The following GNG4 variants were observed in gnomAD, a reference collection of about 807,000 sequenced individuals.
GNG4 encodes G protein subunit gamma 4, also known as guanine nucleotide-binding protein G(I)/G(S)/G(O) subunit gamma-4.
In GNG4, 4 loss-of-function variants were observed where a neutral mutation model predicts 5.8. The ratio of observed to expected loss-of-function variants is 0.69; its 90% CI spans 0.34 to 1.57. The LOEUF is 1.57. GNG4 is among the 40% of genes most tolerant of loss of function. The probability of loss-of-function intolerance (pLI) is 0.06; values close to 1 mark genes in which losing one functional copy is unlikely to be tolerated. For synonymous variants in GNG4, 29 were observed against 32.9 expected (o/e 0.88, Z 0.41); for missense variants, 96 against 95.1 (o/e 1.01, Z -0.04).
chr1:235,597,586 T>A (rs1688152518), intron 1 of GNG4, among the ~76,000 whole-genome samples: 1 of 83,120 alleles, frequency 1.2e-5, no homozygotes, highest in Non-Finnish European at 2.6e-5. Flanking sequence ...TTAACTTGTT[T>A]GCTGTGTGTG....
intron 2 of GNG4, among the ~76,000 whole-genome samples, chr1:235,595,049 G>A (rs2102956041): frequency 6.6e-6 from 1 of 152,218 alleles, no homozygotes; most frequent in South Asian, 2.1e-4. Context: ...GAAGCTCACT[G>A]CAATAGCATC....
chr1:235,593,980 G>GC (rs1225711700), intron 2 of GNG4, among the ~76,000 whole-genome samples: 7 of 152,186 alleles, frequency 4.6e-5, no homozygotes, highest in Non-Finnish European at 7.3e-5. Flanking sequence ...CTCTAATCTG[G>GC]CCCCACCTAC....
At chr1:235,587,973 G>A (rs902747117) in intron 2 of GNG4, among the ~76,000 whole-genome samples, 1 of 151,642 alleles carries the variant, frequency 6.6e-6, no homozygotes, top group African/African-American at 2.4e-5. Flanking sequence ...ATGTGGCGGG[G>A]AGGGAACAGC....
At chr1:235,609,071 G>A (rs974614900) in intron 1 of GNG4, among the ~76,000 whole-genome samples, 1 of 152,038 alleles carries the variant, frequency 6.6e-6, no homozygotes, top group Non-Finnish European at 1.5e-5. Flanking sequence ...GGCTCCAAGC[G>A]ATCTTCTTAC....
At chr1:235,560,754 A>G (rs1022675787) in intron 3 of GNG4, among the ~76,000 whole-genome samples, 4 of 152,208 alleles carry the variant, frequency 2.6e-5, no homozygotes, top group African/African-American at 7.2e-5. Context: ...TTCTTCTTCT[A>G]CTACTCATGT....
intron 3 of GNG4, among the ~76,000 whole-genome samples, chr1:235,580,743 TTTG>T (rs1386154938): frequency 0.023 from 3,169 of 136,596 alleles, 245 homozygotes; most frequent in African/African-American, 0.092. Context: ...TATCCCGTTT[TTTG>T]TTTTTTTTTT....
intron 3 of GNG4, among the ~76,000 whole-genome samples, chr1:235,572,182 T>TAA (rs1687360325): frequency 1.5e-5 from 1 of 65,998 alleles, no homozygotes; most frequent in Non-Finnish European, 2.5e-5. Context: ...TCTAAACAGC[T>TAA]AAACAGAAAA....
chr1:235,613,366 C>T (rs1013202008), intron 1 of GNG4, among the ~76,000 whole-genome samples: 1 of 152,186 alleles, frequency 6.6e-6, no homozygotes, highest in Non-Finnish European at 1.5e-5. Context: ...TCCTACTCCC[C>T]AGAACCTGTG....
rs985572373 is a variant in GNG4 at position 235,649,280 on chromosome 1, G to C, written c.-123+382C>G. 6.6e-6 allele frequency among the ~76,000 whole-genome samples: 1 copy of C among 152,176 alleles called. No individual in the cohort carries two copies. The highest frequency in any genetic ancestry group is 2.1e-4 in the South Asian group (1 of 4,834). Reference sequence around the variant, plus strand: ...TCCTGCCACTGAGGTCCTTTTCCACGGGGGACGTCCCCGCTGGGAAAACAG... The same window carrying C: ...TCCTGCCACTGAGGTCCTTTTCCACCGGGGACGTCCCCGCTGGGAAAACAG... On this transcript the variant is annotated intron_variant, in intron 1 of 3. Transcript: ENST00000391854. This position sits in a 1 kb window ranked among gnomAD's most constrained non-coding sequence, Gnocchi z 5.7.
At position 235,549,752 on chromosome 1, in the gene GNG4, C is replaced by A. The variant is rs1419234090; in HGVS notation, c.*2357G>T. The A allele has an allele frequency of 6.6e-6, 1 of 152,192 alleles. No individual in the cohort carries two copies. Among genetic ancestry groups the A allele is most frequent in the Non-Finnish European group, 1.5e-5 (1 of 68,026 alleles). 9.4% of individuals were successfully genotyped at this position (152,192 alleles called of 1,614,324 possible). On this transcript the variant is annotated 3_prime_UTR_variant, in exon 4 of 4. Transcript: ENST00000391854. ...GTCCTAAATCCATTTACGAGGGCAGCAAGTCATTAATTGGTCTGGAAATTA... is the reference window on the plus strand; with the variant it reads ...GTCCTAAATCCATTTACGAGGGCAGAAAGTCATTAATTGGTCTGGAAATTA...
chr1:235,640,495 C>CAT (rs1657289765), intron 1 of GNG4, among the ~76,000 whole-genome samples: 1 of 152,228 alleles, frequency 6.6e-6, no homozygotes, highest in Admixed American at 6.5e-5. Flanking sequence ...GCTTTATACA[C>CAT]AGACTGTGCT....
chr1:235,634,525 TG>T (rs1317890908), intron 1 of GNG4, among the ~76,000 whole-genome samples: 1 of 152,210 alleles, frequency 6.6e-6, no homozygotes, highest in Non-Finnish European at 1.5e-5. Context: ...TTTGCGCAGA[TG>T]GGCTATGTGT....
chr1:235,587,293 G>GGTGA (rs150447508), intron 2 of GNG4, among the ~76,000 whole-genome samples: 24,965 of 85,024 alleles, frequency 0.29, 4,285 homozygotes, highest in East Asian at 0.69. Flanking sequence ...TGTGGGTTGG[G>GGTGA]GTGTGTGTGA....
chr1:235,628,615 T>C (rs1396048935), intron 1 of GNG4, among the ~76,000 whole-genome samples: 3 of 152,122 alleles, frequency 2.0e-5, no homozygotes, highest in African/African-American at 7.2e-5. Context: ...CCTGTGTAAG[T>C]TCTGGGGAAA....
chr1:235,554,615 G>A (rs563724967), intron 3 of GNG4, among the ~76,000 whole-genome samples: 55 of 152,208 alleles, frequency 3.6e-4, no homozygotes, highest in African/African-American at 1.1e-3. Flanking sequence ...AGGCCAAGGC[G>A]GGTGGATCGC....
intron 1 of GNG4, among the ~76,000 whole-genome samples, chr1:235,597,179 T>C (rs2102957887): frequency 6.6e-6 from 1 of 152,378 alleles, no homozygotes; most frequent in African/African-American, 2.4e-5. Flanking sequence ...CCAAGGGTTT[T>C]CCGAATGCTC....
chr1:235,587,056 A>G (rs952874154), intron 2 of GNG4, among the ~76,000 whole-genome samples: 2 of 151,672 alleles, frequency 1.3e-5, no homozygotes, highest in African/African-American at 4.8e-5. Flanking sequence ...GCAGGGGTGA[A>G]GCCAAGAGGA....
chr1:235,641,560 G>C (rs146814292), intron 1 of GNG4, among the ~76,000 whole-genome samples: 7 of 152,224 alleles, frequency 4.6e-5, no homozygotes, highest in African/African-American at 1.7e-4. Context: ...GCGTGGTGGC[G>C]GGCGCCTGTA....
Position 235,620,596 on chromosome 1 carries a change from C to T in GNG4, c.-122-25085G>A, listed in dbSNP as rs536694719. Among the ~76,000 whole-genome samples the T allele has an allele frequency of 2.4e-3, 368 of 152,140 alleles. 3 individuals carry two copies. Among genetic ancestry groups the T allele is most frequent in the African/African-American group, 8.4e-3 (349 of 41,546 alleles). ...TATTGCCCAGACTGGAGTGCAGTGG[C>T]GTGATCTCGGCTCACTGCAAGCTCC... On this transcript the variant is annotated intron_variant, in intron 1 of 3. Transcript: ENST00000391854.
Sources: allele counts gnomAD v4.1 joint callset (sites outside exome capture counted in the v4.1 genomes callset), GRCh38; gene constraint gnomAD v4.1.1; non-coding constraint Gnocchi (gnomAD v3.1); transcripts MANE v1.5; gene names NCBI Gene and HGNC (gene_info 2026-07-23, HGNC 2026-07-21).